The following PADI6 variants were observed in gnomAD, a reference collection of about 807,000 sequenced individuals.
The protein encoded by PADI6 is inactive protein-arginine deiminase type-6.
Under a neutral mutation model 78.2 loss-of-function variants are expected in PADI6, and 66 were observed. The ratio of observed to expected loss-of-function variants is 0.84; its 90% CI spans 0.69 to 1.04. The LOEUF is 1.04. Ranked by LOEUF, PADI6 falls within the 50% of genes least tolerant of loss-of-function variation. The pLI is 0.00. For synonymous variants in PADI6, 397 were observed against 346.9 expected (o/e 1.14, Z -1.60); for missense variants, 854 against 866.1 (o/e 0.99, Z 0.18).
At chr1:17,388,306 C>A in intron 6 of PADI6, 75 bp from the exon 7 acceptor site, 1 of 1,356,358 alleles carries the variant, frequency 7.4e-7, no homozygotes, top group Non-Finnish European at 1.0e-6. Context: ...GAGGAATGAG[C>A]TGGTACCTTG....
intron 9 of PADI6, among the ~76,000 whole-genome samples, chr1:17,393,167 T>G (rs6695097): frequency 0.6 from 91,113 of 150,976 alleles, 27,638 homozygotes; most frequent in South Asian, 0.67. Flanking sequence ...AAATCTGGGG[T>G]TGTGCTTGGA....
Position 17,401,191 on chromosome 1 carries a change from T to C in PADI6, c.1852-14T>C. 1.2e-6 allele frequency: 2 copies of C among 1,612,764 alleles called. No homozygotes were observed. The highest frequency in any genetic ancestry group is 1.7e-6 in the Non-Finnish European group (2 of 1,178,956). On this transcript the variant is annotated splice_polypyrimidine_tract_variant and intron_variant, in intron 15 of 15. Coordinates refer to ENST00000619609, the MANE Select transcript of PADI6 (RefSeq NM_207421.4). ...ATCCCTGTCCAGGCCTCACCCACCC[T>C]GTCTTTCTAACAGTTGCGGATGATT...
rs779697940 is a variant in PADI6 at position 17,373,165 on chromosome 1, C to T, written c.226C>T (p.Pro76Ser). 1.9e-6 allele frequency: 3 copies of T among 1,613,964 alleles called. No homozygotes were observed. Among genetic ancestry groups the T allele is most frequent in the Admixed American group, 3.3e-5 (2 of 60,016 alleles). Residue 76 changes from proline (P) to serine (S), a missense_variant, in exon 2 of 16, where the codon CCC becomes TCC. Coordinates refer to ENST00000619609, the MANE Select transcript of PADI6 (RefSeq NM_207421.4). ...GAAGGAGGACGCCACCATCTGGTGG[C>T]CCCTGTCTGATCCCACGTACGCCAC... The part of the protein sequence containing the change: ...SEKEDATIWW[P>S]LSDPTYATVK...
chr1:17,394,700 T>G (rs896911098), intron 11 of PADI6, among the ~76,000 whole-genome samples: 7 of 152,158 alleles, frequency 4.6e-5, no homozygotes, highest in African/African-American at 1.7e-4. Context: ...CCAAGAGATA[T>G]GTGGTTGGAT....
chr1:17,388,088 C>T (rs921723952), intron 6 of PADI6, among the ~76,000 whole-genome samples: 2 of 152,212 alleles, frequency 1.3e-5, no homozygotes, highest in African/African-American at 2.4e-5. Context: ...TACCCTGAGG[C>T]TTCACACCAG....
Position 17,388,408 on chromosome 1 carries a change from T to C in PADI6, c.707T>C (p.Val236Ala). 1 of 1,613,376 alleles carries C rather than the reference T, an allele frequency of 6.2e-7. No individual in the cohort carries two copies. Among genetic ancestry groups the C allele is most frequent in the Non-Finnish European group, 8.5e-7 (1 of 1,179,638 alleles). The stretch of plus-strand genomic sequence containing the variant: ...GACAACTCCAGTACCTTTGAGTTGG[T>C]GCTGGGGCCCGACCAGCACGCCTAT... Reference protein sequence around the residue: ...QKDNSSTFELVLGPDQHAYTL... With the variant: ...QKDNSSTFELALGPDQHAYTL... Residue 236 changes from valine to alanine, a missense_variant, in exon 7 of 16, where the codon GTG becomes GCG. Val to Ala is a moderately conservative substitution (Grantham distance 64, BLOSUM62 0). Coordinates refer to ENST00000619609, the MANE Select transcript of PADI6 (RefSeq NM_207421.4).
chr1:17,382,358 C>A (rs182514904), intron 6 of PADI6, among the ~76,000 whole-genome samples: 1 of 152,228 alleles, frequency 6.6e-6, no homozygotes, highest in Non-Finnish European at 1.5e-5. Flanking sequence ...GCCTTCCCTG[C>A]AGGCTAGAAG....
At chr1:17,397,000 C>T (rs994618131) in intron 13 of PADI6, 71 bp from the exon 14 acceptor site, 30 of 1,501,688 alleles carry the variant, frequency 2.0e-5, no homozygotes, top group South Asian at 8.1e-5. Flanking sequence ...GGGCCTGGCC[C>T]GAGTGTGCCC....
At chr1:17,389,528 C>T (rs1282983771) in intron 8 of PADI6, among the ~76,000 whole-genome samples, 9 of 152,204 alleles carry the variant, frequency 5.9e-5, no homozygotes. Flanking sequence ...TTGGACACTG[C>T]AACCTATGGT....
In PADI6 at chr1:17,395,545, C is replaced by T. The variant is rs774079430; in HGVS notation, c.1500C>T (p.Phe500=). ...TDDKNEGKKG[F]LLLLASPSAC... ...ACCCAAGTTCTGTTTCCCAGGGCTT[C>T]CTGCTGCTCCTGGCCAGCCCCAGTG... The change falls in exon 13 of 16, where the codon TTC becomes TTT. Residue 500 remains phenylalanine (F), a synonymous_variant. Coordinates refer to ENST00000619609, the MANE Select transcript of PADI6 (RefSeq NM_207421.4). The T allele has an allele frequency of 9.0e-6, 14 of 1,553,960 alleles. No homozygotes were observed. Among genetic ancestry groups the T allele is most frequent in the Non-Finnish European group, 1.1e-5 (13 of 1,148,172 alleles).
At chr1:17,388,597 G>T (rs1198647898) in intron 7 of PADI6, 38 bp downstream of exon 7, 1 of 1,544,700 alleles carries the variant, frequency 6.5e-7, no homozygotes, top group East Asian at 2.3e-5. Flanking sequence ...AGACTAGGAT[G>T]CTCCGGTGGG....
chr1:17,398,899 C>T (rs570592611), intron 15 of PADI6, 52 bp downstream of exon 15: 2 of 1,570,130 alleles, frequency 1.3e-6, no homozygotes, highest in African/African-American at 2.7e-5. Context: ...CCAGGCAACA[C>T]TGGCTGCCAC....
chr1:17,382,898 C>T (rs1012201002), intron 6 of PADI6, among the ~76,000 whole-genome samples: 1 of 152,182 alleles, frequency 6.6e-6, no homozygotes, highest in Non-Finnish European at 1.5e-5. Context: ...TCAAGCAGTC[C>T]TCCTACCTCA....
intron 15 of PADI6, 74 bp downstream of exon 15, chr1:17,398,921 G>T: frequency 6.8e-7 from 1 of 1,479,614 alleles, no homozygotes; most frequent in Non-Finnish European, 9.3e-7. Context: ...TCACTGTGCT[G>T]GACTGCAGAT....
At chr1:17,401,071 G>GC in intron 15 of PADI6, 134 bp from the exon 16 acceptor site, 1 of 713,460 alleles carries the variant, frequency 1.4e-6, no homozygotes. Context: ...GCAAAAGTGA[G>GC]CTGGGTTTCA....
At chr1:17,381,728 T>G (rs1351387177) in intron 5 of PADI6, among the ~76,000 whole-genome samples, 1 of 152,108 alleles carries the variant, frequency 6.6e-6, no homozygotes, top group African/African-American at 2.4e-5. Context: ...GTTCTGTTTG[T>G]GGGGGACCAT....
chr1:17,393,014 C>T (rs369892910), intron 9 of PADI6, among the ~76,000 whole-genome samples: 14 of 152,160 alleles, frequency 9.2e-5, no homozygotes, highest in East Asian at 5.8e-4. Context: ...GGCATGGTGG[C>T]GCGCGCCTGT....
chr1:17,384,871 A>C (rs992724094), intron 6 of PADI6, among the ~76,000 whole-genome samples: 6 of 152,250 alleles, frequency 3.9e-5, no homozygotes, highest in African/African-American at 1.4e-4. Context: ...CAGTAAATCT[A>C]GGCCACAGAA....
Position 17,401,612 on chromosome 1 carries a change from C to CTT in PADI6, c.*175_*176dup, listed in dbSNP as rs2075302266. 4.7e-6 allele frequency: 3 copies of CTT among 633,446 alleles called. No individual in the cohort carries two copies. The highest frequency in any genetic ancestry group is 4.0e-5 in the South Asian group (2 of 50,550). 39.2% of individuals were successfully genotyped at this position (633,446 alleles called of 1,614,324 possible). ...CCAGTAGGATGGCAAATGCCGCCAG[C>CTT]TTGAACCCCTATGGGGAAAAGATGC... On this transcript the variant is annotated 3_prime_UTR_variant, in exon 16 of 16. Coordinates refer to ENST00000619609, the MANE Select transcript of PADI6 (RefSeq NM_207421.4).
Sources: gnomAD v4.1 joint callset for allele counts (sites outside exome capture counted in the v4.1 genomes callset) on GRCh38, gnomAD v4.1.1 for gene constraint, MANE v1.5 for transcripts, NCBI Gene and HGNC (gene_info 2026-07-23, HGNC 2026-07-21) for gene names.